The following U2AF2 variants were observed in gnomAD, a reference collection of about 807,000 sequenced individuals.
U2AF2 encodes splicing factor U2AF 65 kDa subunit.
U2AF2 carries 6 observed loss-of-function variants against 52.6 expected under a neutral mutation model. The observed-to-expected ratio is 0.11, with a 90% confidence interval of 0.06 to 0.23. U2AF2 has a LOEUF of 0.23. U2AF2 is among the 10% of genes least tolerant of loss of function. U2AF2 has a pLI of 1.00. For missense variants in U2AF2, 222 were observed against 677.1 expected (o/e 0.33, Z 7.46); for synonymous variants, 284 against 258.2 (o/e 1.10, Z -0.96).
chr19:55,662,008 C>G (rs1435994444), intron 5 of U2AF2: 1 of 155,506 alleles, frequency 6.4e-6, no homozygotes, highest in African/African-American at 2.5e-5. Context: ...CTCCTCCTCG[C>G]TCGTCTCTGT....
chr19:55,660,117 T>C (rs1984072024), intron 2 of U2AF2, 60 bp from the exon 3 acceptor site: 1 of 1,536,410 alleles, frequency 6.5e-7, no homozygotes, highest in Non-Finnish European at 8.9e-7. Flanking sequence ...GGGTGTGGCA[T>C]GTGGGGAAGA....
At chr19:55,661,593 G>A (rs185390957) in intron 5 of U2AF2, among the ~76,000 whole-genome samples, 26 of 148,996 alleles carry the variant, frequency 1.7e-4, no homozygotes, top group South Asian at 4.3e-4. Context: ...GTTCTCTGCC[G>A]CCTGTCCCCT....
intron 11 of U2AF2, among the ~76,000 whole-genome samples, chr19:55,673,218 C>T (rs186600024): frequency 3.3e-5 from 5 of 152,232 alleles, no homozygotes; most frequent in Admixed American, 1.3e-4. Context: ...TGTGCCCAGC[C>T]GAGGATATTT....
At chr19:55,655,450 C>T (rs1355909874) in intron 1 of U2AF2, among the ~76,000 whole-genome samples, 2 of 152,236 alleles carry the variant, frequency 1.3e-5, no homozygotes, top group African/African-American at 2.4e-5. Context: ...GCGCCAGATG[C>T]CTCGACGTGA....
chr19:55,668,461 G>A lies in U2AF2; in HGVS notation c.743-46G>A. On this transcript the variant is annotated intron_variant, in intron 7 of 11. Coordinates refer to ENST00000308924, the MANE Select transcript of U2AF2 (RefSeq NM_007279.3). The surrounding 1 kb of genome is among the most constrained non-coding windows in gnomAD (Gnocchi z 5.5). ...GCCGTAGACTGTCCAGGTTTTGGGA[G>A]ATAACCTGGTACTGGAATTGAAGTC... 6.6e-7 allele frequency: 1 copy of A among 1,516,320 alleles called. No homozygotes were observed. Among genetic ancestry groups the A allele is most frequent in the Non-Finnish European group, 8.9e-7 (1 of 1,120,280 alleles). 93.9% of individuals were successfully genotyped at this position (1,516,320 alleles called of 1,614,324 possible).
chr19:55,655,078 C>G lies in U2AF2; in HGVS notation c.-27C>G. 6.2e-7 allele frequency: 1 copy of G among 1,606,420 alleles called. No individual in the cohort carries two copies. The highest frequency in any genetic ancestry group is 8.5e-7 in the Non-Finnish European group (1 of 1,177,698). ...GGGCGGCAAGGCGAGGCGAAAGCTGCACAGGGCCCTACGCGGCCGCCTCAG... is the reference window on the plus strand; with the variant it reads ...GGGCGGCAAGGCGAGGCGAAAGCTGGACAGGGCCCTACGCGGCCGCCTCAG... On this transcript the variant is annotated 5_prime_UTR_variant, in exon 1 of 12. Transcript: ENST00000308924.
At position 55,668,806 on chromosome 19, in the gene U2AF2, C is replaced by T. The variant is rs772662340; in HGVS notation, c.945+14C>T. 9.2e-5 allele frequency: 148 copies of T among 1,604,468 alleles called. 1 individual carries two copies. The Admixed American group carries it at 2.0e-3, about 22-fold the overall frequency. ...GTCACGGATCAGGTGAGTCCCCGGT[C>T]GCTGGCCGCTGCCGCGTCTGTCCTT... On this transcript the variant is annotated intron_variant, in intron 9 of 11. Coordinates refer to ENST00000308924, the MANE Select transcript of U2AF2 (RefSeq NM_007279.3). The surrounding 1 kb of genome is among the most constrained non-coding windows in gnomAD (Gnocchi z 5.5).
chr19:55,669,329 TTGGAAG>T, intron 10 of U2AF2, 109 bp from the exon 11 acceptor site: 3 of 1,543,852 alleles, frequency 1.9e-6, no homozygotes, highest in Non-Finnish European at 2.6e-6. Flanking sequence ...GCTTTAGGTG[TTGGAAG>T]TGGAGAGATG....
chr19:55,666,886 T>A (rs1474230960), intron 7 of U2AF2, among the ~76,000 whole-genome samples: 1 of 152,122 alleles, frequency 6.6e-6, no homozygotes, highest in Non-Finnish European at 1.5e-5. Context: ...CACAGCTGAG[T>A]GTGGGCTCTG....
At chr19:55,669,239 G>C in intron 10 of U2AF2, 58 bp downstream of exon 10, 1 of 1,593,130 alleles carries the variant, frequency 6.3e-7, no homozygotes, top group Non-Finnish European at 8.6e-7. Context: ...TGGCTAGTAG[G>C]GGACAAGTGT....
intron 1 of U2AF2, among the ~76,000 whole-genome samples, chr19:55,656,178 C>T (rs958888384): frequency 1.1e-4 from 16 of 152,200 alleles, no homozygotes; most frequent in African/African-American, 2.9e-4. Flanking sequence ...TTTAAAAATC[C>T]TCCGTGTTTC....
intron 2 of U2AF2, 62 bp downstream of exon 2, chr19:55,659,407 C>G: frequency 7.1e-7 from 1 of 1,408,108 alleles, no homozygotes; most frequent in Non-Finnish European, 9.3e-7. Context: ...GTTGGCCGGC[C>G]TGTGGGTGGC....
rs547976713 is a variant in U2AF2, at chr19:55,663,011, C to T, written c.603+393C>T. Among the ~76,000 whole-genome samples the T allele has an allele frequency of 5.3e-5, 8 of 152,212 alleles. No homozygotes were observed. In the East Asian group the frequency reaches 5.8e-4, roughly 11 times the overall value. Reference sequence around the variant, plus strand: ...TCTGTTACCCCAGCTAACTGATGTTCCTAACTAGTCTTCTGTGTCTGTGTT... The same window carrying T: ...TCTGTTACCCCAGCTAACTGATGTTTCTAACTAGTCTTCTGTGTCTGTGTT... On this transcript the variant is annotated intron_variant, in intron 6 of 11. Coordinates refer to ENST00000308924, the MANE Select transcript of U2AF2 (RefSeq NM_007279.3).
At position 55,664,860 on chromosome 19, in the gene U2AF2, G is replaced by C. The variant is rs551163591; in HGVS notation, c.742+1116G>C. Among the ~76,000 whole-genome samples the C allele has an allele frequency of 9.9e-5, 15 of 152,270 alleles. No individual in the cohort carries two copies. The East Asian group carries it at 2.9e-3, about 29-fold the overall frequency. ...AGCCTCCCGAGCAGCTGGGATTACAGGCACCTGCCACCATGTCTGGCTAAT... is the reference window on the plus strand; with the variant it reads ...AGCCTCCCGAGCAGCTGGGATTACACGCACCTGCCACCATGTCTGGCTAAT... On this transcript the variant is annotated intron_variant, in intron 7 of 11. Transcript: ENST00000308924.
At position 55,660,493 on chromosome 19, in the gene U2AF2, C is replaced by T. The variant is rs373957046; in HGVS notation, c.231-23C>T. The T allele has an allele frequency of 1.7e-5, 16 of 952,146 alleles. No individual in the cohort carries two copies. The African/African-American group carries it at 2.5e-4, about 15-fold the overall frequency. 59.0% of individuals were successfully genotyped at this position (952,146 alleles called of 1,614,324 possible). A position where few individuals can be genotyped will look rare whatever the true frequency, so the allele number is the denominator to read the frequency against. On this transcript the variant is annotated intron_variant, in intron 3 of 11. Coordinates refer to ENST00000308924, the MANE Select transcript of U2AF2 (RefSeq NM_007279.3). ...GTCAGACTGAGGTTGCCCTGCCCCGCTCTCCCCTCCCACCTCCCCCAGTCG... is the reference window on the plus strand; with the variant it reads ...GTCAGACTGAGGTTGCCCTGCCCCGTTCTCCCCTCCCACCTCCCCCAGTCG...
chr19:55,660,309 C>T (rs1984093151), intron 3 of U2AF2, 88 bp downstream of exon 3: 2 of 1,479,056 alleles, frequency 1.4e-6, no homozygotes, highest in Admixed American at 3.9e-5. Flanking sequence ...CCATTTCCAG[C>T]CCTGGCCCAA....
Position 55,669,787 on chromosome 19 carries a change from CT to C in U2AF2, c.1293+96del, listed in dbSNP as rs1215086315. On this transcript the variant is annotated intron_variant, in intron 11 of 11. Transcript: ENST00000308924. ...TCTCTTGCTCCCTCACCCTCTCCCC[CT>C]CCTCTTCTCCGCGCGCTCTTTCTTC... 3 of 1,450,242 alleles carry C rather than the reference CT, an allele frequency of 2.1e-6. No homozygotes were observed. In the African/African-American group the frequency reaches 4.3e-5, roughly 21 times the overall value. 89.8% of individuals were successfully genotyped at this position (1,450,242 alleles called of 1,614,324 possible). A position where few individuals can be genotyped will look rare whatever the true frequency, so the allele number is the denominator to read the frequency against.
At chr19:55,664,629 G>C (rs1984425965) in intron 7 of U2AF2, among the ~76,000 whole-genome samples, 1 of 152,186 alleles carries the variant, frequency 6.6e-6, no homozygotes, top group Non-Finnish European at 1.5e-5. Flanking sequence ...CAGCTCTTCA[G>C]GGCAGGCGAT....
Position 55,660,307 on chromosome 19 carries a change from A to G in U2AF2, c.230+86A>G. On this transcript the variant is annotated intron_variant, in intron 3 of 11. Transcript: ENST00000308924. ...CGTGCACCCTGTCCCGCCCATTTCC[A>G]GCCCTGGCCCAAGCACTGGGAAGAG... 6.1e-6 allele frequency: 9 copies of G among 1,486,394 alleles called. No individual in the cohort carries two copies. In the South Asian group the frequency reaches 6.2e-5, roughly 10 times the overall value. The allele number at this position is 1,486,394 out of a possible 1,614,324, so 92.1% of individuals were successfully genotyped here. A position where few individuals can be genotyped will look rare whatever the true frequency, so the allele number is the denominator to read the frequency against.
Sources: allele counts gnomAD v4.1 joint callset (sites outside exome capture counted in the v4.1 genomes callset), GRCh38; gene constraint gnomAD v4.1.1; non-coding constraint Gnocchi (gnomAD v3.1); transcripts MANE v1.5; gene names NCBI Gene and HGNC (gene_info 2026-07-23, HGNC 2026-07-21).